Variants in BAZ2B observed in about 807,000 individuals in gnomAD.
The protein encoded by BAZ2B is bromodomain adjacent to zinc finger domain 2B, also known as bromodomain adjacent to zinc finger domain protein 2B.
BAZ2B carries 91 observed loss-of-function variants against 246.0 expected under a neutral mutation model. The observed-to-expected ratio is 0.37, with a 90% CI of 0.31 to 0.44. The LOEUF (loss-of-function observed/expected upper bound fraction) is 0.44, where lower values mean the gene tolerates loss of function less well. Among genes scored for constraint, BAZ2B ranks in the 20% least tolerant of loss-of-function variants. The pLI is 1.00. For missense variants in BAZ2B, 2,332 were observed against 2,533.7 expected (o/e 0.92, Z 1.71); for synonymous variants, 855 against 860.0 (o/e 0.99, Z 0.10).
chr2:159,597,559 C>G (rs1305969659), intron 1 of BAZ2B, among the ~76,000 whole-genome samples: 1 of 152,112 alleles, frequency 6.6e-6, no homozygotes, highest in Non-Finnish European at 1.5e-5. Context: ...TGGAGTCTTG[C>G]TCCGTTGCCC....
chr2:159,648,220 C>T, the BAZ2B span, among the ~76,000 whole-genome samples: 1 of 152,250 alleles, frequency 6.6e-6, no homozygotes, highest in East Asian at 1.9e-4. Context: ...TCACTGCAAC[C>T]TCCACTTCCC....
rs2149912087 is a variant in BAZ2B at position 159,412,545 on chromosome 2, C to T, written c.2467G>A (p.Gly823Arg). The T allele has an allele frequency of 1.9e-6, 3 of 1,610,486 alleles. No homozygotes were observed. Among genetic ancestry groups the T allele is most frequent in the African/African-American group, 2.7e-5 (2 of 74,890 alleles). ...DFYEARDGPQGMQWCLLKEED... is the reference protein window; with the variant it reads ...DFYEARDGPQRMQWCLLKEED... ...TCTTTCAAAAGACACCACTGCATTC[C>T]CTTTTAATTAACATTTTATAGAAAT... is the stretch of plus-strand genomic sequence containing the variant. Residue 823 changes from glycine (G) to arginine (R), a missense_variant and splice_region_variant, in exon 14 of 37, where the codon GGA becomes AGA. Around this residue, in one of 9 missense-constraint regions of BAZ2B, gnomAD observed 651 missense variants for 650.9 expected, o/e 1.00. Transcript: ENST00000392783.
At chr2:159,555,512 T>C (rs2088991779) in intron 2 of BAZ2B, 1 of 152,118 alleles carries the variant, frequency 6.6e-6, no homozygotes, top group Admixed American at 6.6e-5. Flanking sequence ...CTGGTAAAAA[T>C]AAAAACTCAA....
At chr2:159,588,693 T>C (rs1688620687) in intron 1 of BAZ2B, among the ~76,000 whole-genome samples, 2 of 152,150 alleles carry the variant, frequency 1.3e-5, no homozygotes, top group Admixed American at 6.5e-5. Context: ...ATACAACACA[T>C]TGAAAATGCT....
At chr2:159,512,413 G>T (rs911928164) in intron 2 of BAZ2B, among the ~76,000 whole-genome samples, 1 of 151,994 alleles carries the variant, frequency 6.6e-6, no homozygotes, top group Non-Finnish European at 1.5e-5. Flanking sequence ...AACCACTTAC[G>T]TTCACTTTTA....
At chr2:159,616,773 A>T (rs1038874800), upstream of BAZ2B, 1 of 152,244 alleles carries the variant, frequency 6.6e-6, no homozygotes, top group Non-Finnish European at 1.5e-5. Flanking sequence ...TAAGAAACTT[A>T]AAATGTTTTG....
the BAZ2B span, among the ~76,000 whole-genome samples, chr2:159,626,049 C>T: frequency 6.7e-6 from 1 of 149,676 alleles, no homozygotes; most frequent in South Asian, 2.1e-4. Context: ...AGGAAACAGA[C>T]TTTAAACTAA....
chr2:159,400,582 AAATTT>A lies in BAZ2B; in HGVS notation c.2898+12_2898+16del, dbSNP rs2064838326. The A allele has an allele frequency of 6.8e-7, 1 of 1,460,998 alleles. No homozygotes were observed. Among genetic ancestry groups the A allele is most frequent in the African/African-American group, 1.4e-5 (1 of 69,872 alleles). 90.5% of individuals were successfully genotyped at this position (1,460,998 alleles called of 1,614,324 possible). On this transcript the variant is annotated intron_variant, in intron 17 of 36. Coordinates refer to ENST00000392783, the MANE Select transcript of BAZ2B (RefSeq NM_013450.4). ...ATGGCTAAATTACTTTAATTATATT[AAATTT>A]AAGACTTCTACCTCTAGAATTTGCT...
chr2:159,332,917 C>A, intron 33 of BAZ2B: 1 of 482,644 alleles, frequency 2.1e-6, no homozygotes, highest in Non-Finnish European at 3.7e-6. Context: ...CTGCAAAGAA[C>A]AAAGCTAGAG....
intron 2 of BAZ2B, among the ~76,000 whole-genome samples, chr2:159,548,227 T>C (rs987790064): frequency 2.6e-5 from 4 of 152,222 alleles, no homozygotes; most frequent in African/African-American, 4.8e-5. Flanking sequence ...TTAACACCTT[T>C]AGATTTGTCA....
chr2:159,583,037 T>C (rs1687196001), intron 1 of BAZ2B, among the ~76,000 whole-genome samples: 1 of 151,614 alleles, frequency 6.6e-6, no homozygotes, highest in Non-Finnish European at 1.5e-5. Flanking sequence ...CTTATACATA[T>C]AAGTAAAAAA....
intron 6 of BAZ2B, among the ~76,000 whole-genome samples, chr2:159,442,612 C>T (rs2073624676): frequency 6.6e-6 from 1 of 152,120 alleles, no homozygotes; most frequent in Non-Finnish European, 1.5e-5. Context: ...CAGTGCTATC[C>T]ATCCTATAAA....
chr2:159,711,622 A>G, the BAZ2B span, among the ~76,000 whole-genome samples: 1 of 152,224 alleles, frequency 6.6e-6, no homozygotes, highest in Non-Finnish European at 1.5e-5. Flanking sequence ...TTTTCCATTA[A>G]AAAACTTTTG....
At chr2:159,492,351 T>G (rs1474458299) in intron 2 of BAZ2B, among the ~76,000 whole-genome samples, 2 of 152,258 alleles carry the variant, frequency 1.3e-5, no homozygotes, top group Non-Finnish European at 2.9e-5. Flanking sequence ...TTAGCACTGT[T>G]GACTGCTGAC....
chr2:159,706,564 A>G, the BAZ2B span, among the ~76,000 whole-genome samples: 2 of 152,198 alleles, frequency 1.3e-5, no homozygotes, highest in Non-Finnish European at 2.9e-5. Context: ...ACGCGTGCGC[A>G]TGTGCACACT....
chr2:159,639,423 C>T, the BAZ2B span, among the ~76,000 whole-genome samples: 1 of 152,062 alleles, frequency 6.6e-6, no homozygotes, highest in African/African-American at 2.4e-5. Flanking sequence ...GTGTAAATTA[C>T]TCTTAAGTAG....
chr2:159,689,673 G>C, the BAZ2B span: 1 of 332,450 alleles, frequency 3.0e-6, no homozygotes, highest in African/African-American at 2.3e-5. Flanking sequence ...TTCCTGGCCA[G>C]CATTTTTACT....
At chr2:159,360,733 G>A (rs976375039) in intron 27 of BAZ2B, among the ~76,000 whole-genome samples, 7 of 152,138 alleles carry the variant, frequency 4.6e-5, no homozygotes, top group Admixed American at 1.3e-4. Flanking sequence ...AAACAGTATG[G>A]TACTGGTACC....
At chr2:159,705,016 TG>T in the BAZ2B span, among the ~76,000 whole-genome samples, 7 of 151,410 alleles carry the variant, frequency 4.6e-5, no homozygotes, top group East Asian at 1.9e-4. Flanking sequence ...TTTTTTGGTT[TG>T]TTTTTTTTTT....
Sources: gnomAD v4.1 joint callset for allele counts (sites outside exome capture counted in the v4.1 genomes callset) on GRCh38, gnomAD v4.1.1 for gene constraint, gnomAD v4.1.1 regional missense constraint, MANE v1.5 for transcripts, NCBI Gene and HGNC (gene_info 2026-07-23, HGNC 2026-07-21) for gene names.